The following ZNF112 variants were observed in gnomAD, a reference collection of about 807,000 sequenced individuals.
ZNF112 encodes zinc finger protein 112 (Y14).
ZNF112 carries 37 observed loss-of-function variants against 77.7 expected under a neutral mutation model. That is an observed-to-expected ratio of 0.48 (90% confidence interval 0.37 to 0.63). The LOEUF (loss-of-function observed/expected upper bound fraction) is 0.63, where lower values mean the gene tolerates loss of function less well. Ranked by LOEUF, ZNF112 falls within the 20% of genes least tolerant of loss-of-function variation. The pLI, the probability that ZNF112 is intolerant of heterozygous loss-of-function variation, is 0.00. For synonymous variants in ZNF112, 333 were observed against 363.6 expected (o/e 0.92, Z 0.96); for missense variants, 950 against 1,077.4 (o/e 0.88, Z 1.66).
intron 1 of ZNF112, chr19:44,366,997 G>A (rs1178475951): frequency 2.2e-6 from 1 of 453,960 alleles, no homozygotes; most frequent in African/African-American, 2.0e-5. Context: ...GGTCAGTCCT[G>A]GAGTAGGAAC....
At position 44,347,077 on chromosome 19, in the gene ZNF112, A is replaced by G. The variant is rs1028767328; in HGVS notation, c.-3-6535T>C. 4.2e-4 allele frequency among the ~76,000 whole-genome samples: 64 copies of G among 152,056 alleles called. 2 individuals carry two copies. Among genetic ancestry groups the G allele is most frequent in the Admixed American group, 2.6e-4 (4 of 15,258 alleles). ...TTCTCTATTTTTTTCTTTTAATTATATCAGTTTTTCTTCATGTAACTGTTG... is the reference window on the plus strand; with the variant it reads ...TTCTCTATTTTTTTCTTTTAATTATGTCAGTTTTTCTTCATGTAACTGTTG... On this transcript the variant is annotated intron_variant, in intron 1 of 3. Coordinates refer to ENST00000354340, the MANE Select transcript of ZNF112 (RefSeq NM_013380.4).
chr19:44,340,659 TCTTCTGTTTAC>T, intron 1 of ZNF112, 117 bp from the exon 2 acceptor site: 1 of 1,437,966 alleles, frequency 7.0e-7, no homozygotes, highest in Non-Finnish European at 9.6e-7. Context: ...TACATAGTTC[TCTTCTGTTTAC>T]CTTCTGTAAT....
intron 1 of ZNF112, among the ~76,000 whole-genome samples, chr19:44,365,696 G>A (rs1397619779): frequency 6.6e-6 from 1 of 151,976 alleles, no homozygotes; most frequent in Non-Finnish European, 1.5e-5. Context: ...CTGTAATAAT[G>A]TTCCCTCCCT....
At chr19:44,343,418 T>C (rs1970528942) in intron 1 of ZNF112, 2 of 811,372 alleles carry the variant, frequency 2.5e-6, no homozygotes, top group Non-Finnish European at 3.9e-6. Flanking sequence ...CACACCGGCG[T>C]TAAGGAGCAG....
At chr19:44,336,151 T>C (rs1970361389) in intron 3 of ZNF112, among the ~76,000 whole-genome samples, 1 of 152,226 alleles carries the variant, frequency 6.6e-6, no homozygotes, top group African/African-American at 2.4e-5. Flanking sequence ...TGGCTACCCA[T>C]CTATGAATAC....
chr19:44,327,875 T>C lies in ZNF112; in HGVS notation c.2282A>G (p.His761Arg), dbSNP rs775867095. The change falls in exon 4 of 4, where the codon CAT becomes CGT. Residue 761 changes from histidine (H) to arginine (R), a missense_variant. This residue lies in a region of ZNF112 where 373 missense variants were observed against 482.8 expected (regional missense o/e 0.77). Transcript: ENST00000354340. ...TTTCCCTCCTGTGTGAACCCTCCGA[T>C]GTGCTTCAAGGCGCGAACTCTGACT... ...GFSQSSRLEAHRRVHTGGKPY... is the reference protein window; with the variant it reads ...GFSQSSRLEARRRVHTGGKPY... The C allele has an allele frequency of 5.0e-6, 8 of 1,614,124 alleles. No individual in the cohort carries two copies. The South Asian group carries it at 6.6e-5, about 13-fold the overall frequency.
chr19:44,358,016 G>T (rs571547317), upstream of ZNF112, among the ~76,000 whole-genome samples: 1 of 152,202 alleles, frequency 6.6e-6, no homozygotes, highest in African/African-American at 2.4e-5. Context: ...GCCGGGCGTG[G>T]TGGCGGGCAC....
At chr19:44,338,746 G>T (rs1355757191) in intron 2 of ZNF112, among the ~76,000 whole-genome samples, 1 of 152,192 alleles carries the variant, frequency 6.6e-6, no homozygotes, top group Non-Finnish European at 1.5e-5. Flanking sequence ...ATCCTGTTCT[G>T]GAGGGAGAAA....
At chr19:44,354,145 C>T (rs78542472) in intron 1 of ZNF112, among the ~76,000 whole-genome samples, 1 of 151,958 alleles carries the variant, frequency 6.6e-6, no homozygotes, top group African/African-American at 2.4e-5. Context: ...TTCATTTATA[C>T]GACATTCTCA....
upstream of ZNF112, among the ~76,000 whole-genome samples, chr19:44,359,363 C>T (rs891217892): frequency 1.1e-4 from 13 of 116,948 alleles, no homozygotes; most frequent in African/African-American, 3.0e-4. Context: ...TCGCTCTGTT[C>T]CCCGGGCTGA....
At chr19:44,358,165 A>AAAAAAAAAAT (rs1209024255), upstream of ZNF112, among the ~76,000 whole-genome samples, 1 of 151,476 alleles carries the variant, frequency 6.6e-6, no homozygotes, top group African/African-American at 2.4e-5. Flanking sequence ...AGAAAAAAAA[A>AAAAAAAAAAT]AAGACACTAT....
Position 44,327,535 on chromosome 19 carries a change from T to A in ZNF112, c.2622A>T (p.Gln874His), listed in dbSNP as rs777916599. 3.1e-6 allele frequency: 5 copies of A among 1,613,964 alleles called. No individual in the cohort carries two copies. The East Asian group carries it at 1.1e-4, about 36-fold the overall frequency. The stretch of plus-strand genomic sequence containing the variant: ...AGAATTTATCACTACTATGGACTCT[T>A]TGATGAATGAGAAGACCTGAGCTCC... The part of the protein sequence containing the change: ...FRWSSGLLIH[Q>H]RVHSSDKFYK... The change falls in exon 4 of 4, where the codon CAA becomes CAT. Residue 874 changes from glutamine to histidine, a missense_variant. By Grantham distance (24) the Gln-to-His change is conservative (BLOSUM62 0). Coordinates refer to ENST00000354340, the MANE Select transcript of ZNF112 (RefSeq NM_013380.4).
At position 44,346,735 on chromosome 19, in the gene ZNF112, T is replaced by A. The variant is rs765764595; in HGVS notation, c.-3-6193A>T. On this transcript the variant is annotated intron_variant, in intron 1 of 3. Transcript: ENST00000354340. ...CAAATAATTCCTCTCTGCCAATCCC[T>A]ACGTTTGGTAATAAGCAAATGGAGA... Among the ~76,000 whole-genome samples the A allele has an allele frequency of 6.6e-5, 10 of 152,152 alleles. 1 individual carries two copies. The highest frequency in any genetic ancestry group is 1.3e-4 in the Non-Finnish European group (9 of 68,024).
At position 44,336,880 on chromosome 19, in the gene ZNF112, T is replaced by C. The variant is rs542839850; in HGVS notation, c.125-162A>G. On this transcript the variant is annotated intron_variant, in intron 2 of 3. Coordinates refer to ENST00000354340, the MANE Select transcript of ZNF112 (RefSeq NM_013380.4). ...AAGAAACTAACTTCATGATTTTCTT[T>C]TTTTTTTTTTTAAATAGGCTCTCAC... 8.6e-3 allele frequency among the ~76,000 whole-genome samples: 1,308 copies of C among 151,264 alleles called. 19 individuals are homozygous for C. Among genetic ancestry groups the C allele is most frequent in the African/African-American group, 0.03 (1,234 of 41,268 alleles).
At chr19:44,349,645 T>C (rs1380434962) in intron 1 of ZNF112, among the ~76,000 whole-genome samples, 1 of 151,968 alleles carries the variant, frequency 6.6e-6, no homozygotes, top group African/African-American at 2.4e-5. Context: ...ATAATGAAAA[T>C]GAGGTAGCAA....
In ZNF112 at chr19:44,329,868, G is replaced by A; in HGVS notation, c.289C>T (p.Leu97Phe). ...TGTTGCCAGGTCTGACGGGAGGAAA[G>A]CTCTTTGGGGGAAAAGTAGCTTACT... Reference protein sequence around the residue: ...VTVSYFSPKELSSRQTWQQSA... With the variant: ...VTVSYFSPKEFSSRQTWQQSA... The change falls in exon 4 of 4, where the codon CTT becomes TTT. Residue 97 changes from leucine (L) to phenylalanine (F), a missense_variant. Leu to Phe is a conservative substitution (Grantham distance 22). Coordinates refer to ENST00000354340, the MANE Select transcript of ZNF112 (RefSeq NM_013380.4). The A allele has an allele frequency of 5.0e-6, 8 of 1,613,972 alleles. No homozygotes were observed. The highest frequency in any genetic ancestry group is 6.8e-6 in the Non-Finnish European group (8 of 1,179,980).
chr19:44,341,122 A>G (rs1044088316), intron 1 of ZNF112: 2 of 456,558 alleles, frequency 4.4e-6, no homozygotes, highest in African/African-American at 4.0e-5. Context: ...ATACAGTCCT[A>G]GTAATAAAAT....
chr19:44,354,187 T>C (rs1298735280), intron 1 of ZNF112, among the ~76,000 whole-genome samples: 3 of 152,126 alleles, frequency 2.0e-5, no homozygotes, highest in Admixed American at 6.5e-5. Context: ...TTAGTGGTTA[T>C]GGTAGTTGCC....
At position 44,347,549 on chromosome 19, in the gene ZNF112, C is replaced by CT. The variant is rs201473795; in HGVS notation, c.-3-7008dup. On this transcript the variant is annotated intron_variant, in intron 1 of 3. Transcript: ENST00000354340. ...ATCTATTAGCTTTTGGCTATATGTC[C>CT]TTTTTTTTTTTTTCCAGTGGTTGCT... is the stretch of plus-strand genomic sequence containing the variant. Among the ~76,000 whole-genome samples, 174 of 77,336 alleles carry CT rather than the reference C, an allele frequency of 2.2e-3. 1 individual carries two copies. Among genetic ancestry groups the CT allele is most frequent in the Middle Eastern group, 0.012 (1 of 84 alleles). 50.7% of individuals were successfully genotyped at this position (77,336 alleles called of 152,430 possible). A position where few individuals can be genotyped will look rare whatever the true frequency, so the allele number is the denominator to read the frequency against.
Sources: gnomAD v4.1 joint callset for allele counts (sites outside exome capture counted in the v4.1 genomes callset) on GRCh38, gnomAD v4.1.1 for gene constraint, gnomAD v4.1.1 regional missense constraint, MANE v1.5 for transcripts, NCBI Gene and HGNC (gene_info 2026-07-23, HGNC 2026-07-21) for gene names.